Variants in RAB3IP observed in about 807,000 individuals in gnomAD.
RAB3IP encodes the protein RAB3A interacting protein.
A neutral mutation model predicts 59.1 loss-of-function variants in RAB3IP; 36 were observed. That is an observed-to-expected ratio of 0.61 (90% CI 0.47 to 0.80). RAB3IP has a LOEUF of 0.80. Among genes scored for constraint, RAB3IP ranks in the 30% least tolerant of loss-of-function variants. The pLI, the probability that RAB3IP is intolerant of heterozygous loss-of-function variation, is 0.00. For synonymous variants in RAB3IP, 207 were observed against 191.2 expected (o/e 1.08, Z -0.68); for missense variants, 511 against 536.0 (o/e 0.95, Z 0.46).
rs1211369498 is a variant in RAB3IP at position 69,818,274 on chromosome 12, C to T, written c.*2828C>T. 1.3e-5 allele frequency: 2 copies of T among 152,194 alleles called. No individual in the cohort carries two copies. The highest frequency in any genetic ancestry group is 3.9e-4 in the East Asian group (2 of 5,186). 9.4% of individuals were successfully genotyped at this position (152,194 alleles called of 1,614,324 possible). A position where few individuals can be genotyped will look rare whatever the true frequency, so the allele number is the denominator to read the frequency against. ...CAGCTTGAGCAACATAGGGAGACCA[C>T]ATCTGCACAAAAAGATTTTTTTGAA... On this transcript the variant is annotated 3_prime_UTR_variant, in exon 11 of 11. Transcript: ENST00000247833.
At chr12:69,796,499 A>C in intron 6 of RAB3IP, 1 of 441,922 alleles carries the variant, frequency 2.3e-6, no homozygotes, top group Non-Finnish European at 4.0e-6. Flanking sequence ...ACATTGTTAA[A>C]TTCAAGTCCA....
intron 3 of RAB3IP, among the ~76,000 whole-genome samples, chr12:69,762,407 AC>A (rs1871448422): frequency 6.6e-6 from 1 of 152,208 alleles, no homozygotes; most frequent in East Asian, 1.9e-4. Flanking sequence ...GTTGATTCTT[AC>A]ATTCACTAAA....
At chr12:69,752,311 T>TA (rs1048230588) in intron 1 of RAB3IP, among the ~76,000 whole-genome samples, 10 of 147,012 alleles carry the variant, frequency 6.8e-5, no homozygotes, top group South Asian at 2.2e-4. Context: ...GCCTTTCCAT[T>TA]AAAAAAAAAT....
intron 1 of RAB3IP, among the ~76,000 whole-genome samples, chr12:69,740,875 A>G (rs921799098): frequency 2.0e-5 from 3 of 152,250 alleles, no homozygotes; most frequent in Non-Finnish European, 2.9e-5. Flanking sequence ...AGTAGTTACT[A>G]TACTTTTTTC....
intron 3 of RAB3IP, 70 bp from the exon 4 acceptor site, chr12:69,784,650 A>T (rs1875328492): frequency 1.4e-6 from 1 of 723,082 alleles, no homozygotes; most frequent in Non-Finnish European, 2.2e-6. Flanking sequence ...TTATTAGTAA[A>T]GATTATATAG....
chr12:69,811,703 C>T (rs1478810893), intron 8 of RAB3IP, among the ~76,000 whole-genome samples: 1 of 152,006 alleles, frequency 6.6e-6, no homozygotes, highest in Non-Finnish European at 1.5e-5. Context: ...AATAAAGAAA[C>T]AATGAAGAAA....
chr12:69,784,856 T>A, intron 4 of RAB3IP, 41 bp downstream of exon 4: 1 of 1,119,606 alleles, frequency 8.9e-7, no homozygotes, highest in Non-Finnish European at 1.3e-6. Flanking sequence ...ACATCTTGAC[T>A]TTTATATATT....
At chr12:69,778,402 T>C (rs1327838535) in intron 3 of RAB3IP, among the ~76,000 whole-genome samples, 2 of 117,366 alleles carry the variant, frequency 1.7e-5, no homozygotes, top group African/African-American at 3.3e-5. Flanking sequence ...TCTGAAGCCT[T>C]CTTCTCTCAG....
chr12:69,751,616 T>C (rs1869313784), intron 1 of RAB3IP, among the ~76,000 whole-genome samples: 1 of 152,204 alleles, frequency 6.6e-6, no homozygotes, highest in South Asian at 2.1e-4. Flanking sequence ...GCATAACTTA[T>C]TTGCTTCATC....
chr12:69,755,251 T>A (rs1015709221), intron 1 of RAB3IP, 133 bp from the exon 2 acceptor site: 2 of 842,288 alleles, frequency 2.4e-6, no homozygotes, highest in Non-Finnish European at 3.6e-6. Context: ...TGTGGTTTTT[T>A]AAAAAAAGCC....
At chr12:69,756,691 ATATAT>A (rs989449635) in intron 3 of RAB3IP, 28 bp downstream of exon 3, 2 of 1,562,614 alleles carry the variant, frequency 1.3e-6, no homozygotes, top group Non-Finnish European at 1.7e-6. Flanking sequence ...TTATTCTTCC[ATATAT>A]TATATTAGAA....
At chr12:69,745,262 C>A (rs189087925) in intron 1 of RAB3IP, among the ~76,000 whole-genome samples, 11 of 152,082 alleles carry the variant, frequency 7.2e-5, no homozygotes, top group South Asian at 2.1e-4. Flanking sequence ...AAACTTTGTT[C>A]TTTATTTATT....
chr12:69,748,783 T>C (rs1344109071), intron 1 of RAB3IP, among the ~76,000 whole-genome samples: 1 of 152,216 alleles, frequency 6.6e-6, no homozygotes, highest in African/African-American at 2.4e-5. Context: ...TGCTTAAAAA[T>C]AGTAGTTTAT....
intron 8 of RAB3IP, among the ~76,000 whole-genome samples, chr12:69,804,579 G>A (rs1355446416): frequency 1.3e-5 from 2 of 152,214 alleles, no homozygotes; most frequent in African/African-American, 4.8e-5. Context: ...CCATGCCTAT[G>A]TCCTGAATGG....
rs774170682 is a variant in RAB3IP at position 69,800,280 on chromosome 12, C to A, written c.960C>A (p.Phe320Leu). ...DEPTMDRTCP[F>L]LDKIYQEDIF... ...CCACAATGGACAGGACGTGTCCTTTCTTAGACAAAATCTACCAGGAAGATA... is the reference window on the plus strand; with the variant it reads ...CCACAATGGACAGGACGTGTCCTTTATTAGACAAAATCTACCAGGAAGATA... Residue 320 changes from phenylalanine (F) to leucine (L), a missense_variant, in exon 7 of 11, where the codon TTC becomes TTA. Coordinates refer to ENST00000247833, the MANE Select transcript of RAB3IP (RefSeq NM_022456.5). The A allele has an allele frequency of 3.1e-6, 5 of 1,595,624 alleles. No individual in the cohort carries two copies. The highest frequency in any genetic ancestry group is 4.3e-6 in the Non-Finnish European group (5 of 1,169,554).
intron 1 of RAB3IP, among the ~76,000 whole-genome samples, chr12:69,743,511 A>T (rs969907352): frequency 6.6e-6 from 1 of 152,064 alleles, no homozygotes; most frequent in Non-Finnish European, 1.5e-5. Flanking sequence ...TCATACATTT[A>T]TGTTGTGCTT....
chr12:69,742,902 A>G (rs953789443), intron 1 of RAB3IP, among the ~76,000 whole-genome samples: 2 of 152,252 alleles, frequency 1.3e-5, no homozygotes, highest in Non-Finnish European at 2.9e-5. Flanking sequence ...ATAGGGCAAC[A>G]CGAAATTAGA....
chr12:69,757,507 A>G lies in RAB3IP; in HGVS notation c.510+844A>G, dbSNP rs1056990951. On this transcript the variant is annotated intron_variant, in intron 3 of 10. Coordinates refer to ENST00000247833, the MANE Select transcript of RAB3IP (RefSeq NM_022456.5). ...AGTGAAATGCAGGATGTCACTGGAG[A>G]CTCATATCAAAAGTATAATGGAATG... 3.6e-4 allele frequency among the ~76,000 whole-genome samples: 55 copies of G among 152,176 alleles called. 1 individual carries two copies. Among genetic ancestry groups the G allele is most frequent in the African/African-American group, 1.3e-3 (53 of 41,442 alleles).
At chr12:69,810,560 G>A (rs889143209) in intron 8 of RAB3IP, among the ~76,000 whole-genome samples, 1 of 152,140 alleles carries the variant, frequency 6.6e-6, no homozygotes, top group Non-Finnish European at 1.5e-5. Context: ...AAGCATAAGG[G>A]TAATTTGGAT....
Sources: allele counts gnomAD v4.1 joint callset (sites outside exome capture counted in the v4.1 genomes callset), GRCh38; gene constraint gnomAD v4.1.1; transcripts MANE v1.5; gene names NCBI Gene and HGNC (gene_info 2026-07-23, HGNC 2026-07-21).